Variants in KDM5B observed in about 807,000 individuals in gnomAD.
KDM5B encodes the protein lysine demethylase 5B.
KDM5B carries 144 observed loss-of-function variants against 193.4 expected under a neutral mutation model. The ratio of observed to expected loss-of-function variants is 0.74; its 90% CI spans 0.65 to 0.86. The LOEUF is 0.86. Ranked by LOEUF, KDM5B falls within the 40% of genes least tolerant of loss-of-function variation. KDM5B has a pLI of 0.00. For missense variants in KDM5B, 1,833 were observed against 1,886.9 expected (o/e 0.97, Z 0.53); for synonymous variants, 668 against 682.6 (o/e 0.98, Z 0.33).
rs1358846700 is a variant in KDM5B, at chr1:202,732,044, A to G, written c.3910-105T>C. ...ATTACCCAGGCAGGCAACCAGGGGA[A>G]AAAAAAAAAAAAACAACTTGATTTT... On this transcript the variant is annotated intron_variant, in intron 23 of 26. Coordinates refer to ENST00000367265, the MANE Select transcript of KDM5B (RefSeq NM_006618.5). 57 of 511,456 alleles carry G rather than the reference A, an allele frequency of 1.1e-4. 1 individual carries two copies. Among genetic ancestry groups the G allele is most frequent in the Admixed American group, 4.8e-4 (10 of 21,046 alleles). 31.7% of individuals were successfully genotyped at this position (511,456 alleles called of 1,614,324 possible).
intron 14 of KDM5B, among the ~76,000 whole-genome samples, chr1:202,748,547 A>C (rs548358002): frequency 6.6e-6 from 1 of 152,158 alleles, no homozygotes; most frequent in African/African-American, 2.4e-5. Context: ...TACATAAAGA[A>C]TTATTACAAA....
intron 18 of KDM5B, among the ~76,000 whole-genome samples, 171 bp from the exon 19 acceptor site, chr1:202,741,893 A>C (rs1391490471): frequency 6.6e-6 from 1 of 152,302 alleles, no homozygotes; most frequent in African/African-American, 2.4e-5. Context: ...AAGTGACTAT[A>C]ACAGACACCT....
intron 18 of KDM5B, 61 bp downstream of exon 18, chr1:202,742,328 TAG>T (rs1257727386): frequency 9.0e-6 from 10 of 1,116,244 alleles, no homozygotes; most frequent in Non-Finnish European, 1.4e-5. Context: ...GTAATATCAA[TAG>T]AGTTTATATA....
In KDM5B at chr1:202,741,408, T is replaced by C. The variant is rs748517833; in HGVS notation, c.2904A>G (p.Ser968=). 14 of 1,587,244 alleles carry C rather than the reference T, an allele frequency of 8.8e-6. No individual in the cohort carries two copies. The highest frequency in any genetic ancestry group is 2.3e-5 in the South Asian group (2 of 87,224). The change falls in exon 19 of 27, where the codon TCA becomes TCG. Residue 968 remains serine, a synonymous_variant. Transcript: ENST00000367265. The part of the protein sequence containing the change: ...MARLQELLTV[S]EHWDDKAKSL... ...TCTTGGCTTTGTCGTCCCAGTGCTC[T>C]GACACTGTGAGCAGTTCCTGCAGCC...
chr1:202,787,585 C>T (rs1433842508), intron 1 of KDM5B, among the ~76,000 whole-genome samples: 3 of 151,836 alleles, frequency 2.0e-5, no homozygotes, highest in East Asian at 1.9e-4. Context: ...TATATTGTTT[C>T]GGTTAAAAGT....
intron 21 of KDM5B, among the ~76,000 whole-genome samples, chr1:202,735,977 G>C (rs896799927): frequency 1.1e-4 from 16 of 152,164 alleles, no homozygotes; most frequent in Admixed American, 3.3e-4. Flanking sequence ...TCAACACAGA[G>C]GAATTTCACC....
At position 202,731,026 on chromosome 1, in the gene KDM5B, G is replaced by A; in HGVS notation, c.4059C>T (p.Ala1353=). 1 of 1,613,208 alleles carries A rather than the reference G, an allele frequency of 6.2e-7. No homozygotes were observed. The highest frequency in any genetic ancestry group is 8.5e-7 in the Non-Finnish European group (1 of 1,179,528). ...SPEVNELLME[A]QLLQVSLPEI... ...CAGGAAGGGATACCTGGAGCAGCTG[G>A]GCTTCCATCAATAGTTCATTCACTT... is the stretch of plus-strand genomic sequence containing the variant. The change falls in exon 25 of 27, where the codon GCC becomes GCT. Residue 1353 remains alanine (A), a synonymous_variant. Transcript: ENST00000367265.
At chr1:202,753,632 C>T (rs1307545714) in intron 11 of KDM5B, among the ~76,000 whole-genome samples, 3 of 151,458 alleles carry the variant, frequency 2.0e-5, no homozygotes, top group Admixed American at 6.6e-5. Flanking sequence ...TTAGAAAATG[C>T]AGACACCTAG....
chr1:202,732,806 TCA>T (rs1197859128), intron 23 of KDM5B, among the ~76,000 whole-genome samples: 1 of 152,152 alleles, frequency 6.6e-6, no homozygotes, highest in Admixed American at 6.5e-5. Context: ...TCTATTGTCT[TCA>T]CATTCTTTTA....
At chr1:202,779,466 G>A (rs987289795) in intron 1 of KDM5B, among the ~76,000 whole-genome samples, 15 of 148,862 alleles carry the variant, frequency 1.0e-4, no homozygotes, top group African/African-American at 3.2e-4. Flanking sequence ...GTGACAGAGC[G>A]AGACTCCGTC....
At chr1:202,730,087 T>G in intron 25 of KDM5B, 60 bp from the exon 26 acceptor site, 8 of 1,369,096 alleles carry the variant, frequency 5.8e-6, no homozygotes, top group Non-Finnish European at 8.0e-6. Context: ...CTAAAACTAA[T>G]GAAGCTAAAG....
chr1:202,768,122 G>A (rs1019028534), intron 4 of KDM5B, among the ~76,000 whole-genome samples: 2 of 152,156 alleles, frequency 1.3e-5, no homozygotes, highest in African/African-American at 4.8e-5. Context: ...AAAGATCAAC[G>A]GGTAGCCCAC....
At chr1:202,796,229 T>C in intron 1 of KDM5B, 1 of 322,570 alleles carries the variant, frequency 3.1e-6, no homozygotes. Context: ...GCTGCCCTCC[T>C]CTCTCCAATC....
intron 26 of KDM5B, 82 bp downstream of exon 26, chr1:202,729,621 GAGAA>G (rs1254352711): frequency 7.8e-6 from 9 of 1,150,626 alleles, no homozygotes; most frequent in Non-Finnish European, 9.8e-6. Context: ...ATAAGCAGAG[GAGAA>G]AGACCCAGCG....
intron 1 of KDM5B, among the ~76,000 whole-genome samples, chr1:202,800,475 G>C (rs1006421221): frequency 2.0e-5 from 3 of 152,080 alleles, no homozygotes; most frequent in African/African-American, 7.2e-5. Context: ...CGAGCAGCTG[G>C]GACTACAGGT....
intron 4 of KDM5B, among the ~76,000 whole-genome samples, chr1:202,771,253 T>G (rs943182691): frequency 9.2e-5 from 14 of 152,190 alleles, no homozygotes; most frequent in African/African-American, 2.4e-4. Flanking sequence ...ACAGTCTCAT[T>G]CTGAGTCTCA....
chr1:202,739,154 T>C (rs1410159162), intron 20 of KDM5B, among the ~76,000 whole-genome samples: 5 of 152,234 alleles, frequency 3.3e-5, no homozygotes, highest in Non-Finnish European at 7.3e-5. Context: ...GAGGTAATCA[T>C]ACTTATCAAA....
At chr1:202,803,009 A>G (rs1276300554) in intron 1 of KDM5B, among the ~76,000 whole-genome samples, 1 of 152,088 alleles carries the variant, frequency 6.6e-6, no homozygotes, top group Non-Finnish European at 1.5e-5. Context: ...GGAGTTCAAG[A>G]CCAGCCTGGG....
intron 1 of KDM5B, among the ~76,000 whole-genome samples, chr1:202,781,461 G>C (rs560896558): frequency 6.6e-6 from 1 of 152,110 alleles, no homozygotes; most frequent in Non-Finnish European, 1.5e-5. Flanking sequence ...CCTTTTTATG[G>C]TTAATGTTTT....
Sources: gnomAD v4.1 joint callset for allele counts (sites outside exome capture counted in the v4.1 genomes callset) on GRCh38, gnomAD v4.1.1 for gene constraint, MANE v1.5 for transcripts, NCBI Gene and HGNC (gene_info 2026-07-23, HGNC 2026-07-21) for gene names.